The following ATP5IF1 variants were observed in gnomAD, a reference collection of about 807,000 sequenced individuals.
ATP5IF1 encodes ATP synthase inhibitory factor subunit 1.
ATP5IF1 carries 12 observed loss-of-function variants against 8.5 expected under a neutral mutation model. That is an observed-to-expected ratio of 1.41 (90% CI 0.90 to 2.28). ATP5IF1 has a LOEUF of 2.28. Among genes scored for constraint, ATP5IF1 ranks in the 30% most tolerant of loss-of-function variants. The pLI is 0.00. For missense variants in ATP5IF1, 154 were observed against 140.2 expected (o/e 1.10, Z -0.50); for synonymous variants, 51 against 53.4 (o/e 0.96, Z 0.19).
At position 28,237,681 on chromosome 1, in the gene ATP5IF1, G is replaced by T; in HGVS notation, c.180-156G>T. On this transcript the variant is annotated intron_variant, in intron 2 of 2. Coordinates refer to ENST00000335514, the MANE Select transcript of ATP5IF1 (RefSeq NM_016311.5). ...TGGCTACACCTCAATTTAAGATGGG[G>T]TATTCTTTCACTAGTTGAGGAGTAG... 6 of 1,582,204 alleles carry T rather than the reference G, an allele frequency of 3.8e-6. No homozygotes were observed. In the South Asian group the frequency reaches 4.6e-5, roughly 12 times the overall value.
At chr1:28,236,627 G>C (rs1647039212) in intron 2 of ATP5IF1, 175 bp downstream of exon 2, 1 of 1,517,602 alleles carries the variant, frequency 6.6e-7, no homozygotes, top group South Asian at 1.2e-5. Flanking sequence ...CCGTTGCCAC[G>C]TATAGGGCAC....
intron 2 of ATP5IF1, chr1:28,237,559 C>T (rs1647049455): frequency 2.2e-6 from 3 of 1,390,420 alleles, no homozygotes; most frequent in East Asian, 2.6e-5. Flanking sequence ...CTGGGTTGTT[C>T]CCCTCATAAG....
chr1:28,237,522 T>C (rs979801388), intron 2 of ATP5IF1: 12 of 1,366,490 alleles, frequency 8.8e-6, no homozygotes, highest in African/African-American at 1.5e-5. Context: ...TGTTCCTTTT[T>C]TTTTCCCTAA....
chr1:28,237,029 T>G, intron 2 of ATP5IF1: 1 of 1,017,102 alleles, frequency 9.8e-7, no homozygotes, highest in South Asian at 3.8e-5. Context: ...TTTGCCCTAC[T>G]CAGCCCAACC....
Position 28,236,138 on chromosome 1 carries a change from G to C in ATP5IF1, c.-46G>C. 1.2e-6 allele frequency: 2 copies of C among 1,604,598 alleles called. No individual in the cohort carries two copies. The highest frequency in any genetic ancestry group is 1.7e-6 in the Non-Finnish European group (2 of 1,178,718). On this transcript the variant is annotated 5_prime_UTR_variant, in exon 1 of 3. Coordinates refer to ENST00000335514, the MANE Select transcript of ATP5IF1 (RefSeq NM_016311.5). ...TCCCTGCCATTAGCGCGTAACGAGA[G>C]ACTGCTTGCTGCGGCAGAGACGCCA...
At chr1:28,237,560 C>T (rs1647049480) in intron 2 of ATP5IF1, 2 of 1,394,486 alleles carry the variant, frequency 1.4e-6, no homozygotes, top group Non-Finnish European at 9.3e-7. Context: ...TGGGTTGTTC[C>T]CCTCATAAGG....
chr1:28,236,950 C>T, intron 2 of ATP5IF1: 2 of 1,061,496 alleles, frequency 1.9e-6, no homozygotes, highest in South Asian at 2.9e-5. Flanking sequence ...CCCCCGACTC[C>T]GCAAGAGTGA....
At chr1:28,237,789 T>C (rs1008839767) in intron 2 of ATP5IF1, 48 bp from the exon 3 acceptor site, 3 of 1,614,042 alleles carry the variant, frequency 1.9e-6, no homozygotes, top group Middle Eastern at 1.6e-4. Flanking sequence ...TGAGATCTCT[T>C]TGGGGTGAAG....
intron 2 of ATP5IF1, chr1:28,237,409 A>G: frequency 9.1e-7 from 1 of 1,104,474 alleles, no homozygotes; most frequent in African/African-American, 1.7e-5. Context: ...TTGGCCTTAC[A>G]GTGGGCCATT....
rs369444246 is a variant in ATP5IF1, at chr1:28,236,169, G to A, written c.-15G>A. 495 of 1,611,808 alleles carry A rather than the reference G, an allele frequency of 3.1e-4. No individual in the cohort carries two copies. Among genetic ancestry groups the A allele is most frequent in the Non-Finnish European group, 3.6e-4 (424 of 1,179,916 alleles). ...TTGCTGCGGCAGAGACGCCAGAGGT[G>A]CAGCTCCAGCAGCAATGGCAGTGAC... On this transcript the variant is annotated 5_prime_UTR_variant, in exon 1 of 3. Transcript: ENST00000335514.
In ATP5IF1 at chr1:28,236,395, G is replaced by C; in HGVS notation, c.122G>C (p.Arg41Pro). 2 of 1,614,214 alleles carry C rather than the reference G, an allele frequency of 1.2e-6. No individual in the cohort carries two copies. The highest frequency in any genetic ancestry group is 1.7e-6 in the Non-Finnish European group (2 of 1,180,034). The change falls in exon 2 of 3, where the codon CGG (arginine) becomes CCG (proline). Residue 41 changes from arginine (R) to proline (P), a missense_variant. Coordinates refer to ENST00000335514, the MANE Select transcript of ATP5IF1 (RefSeq NM_016311.5). Reference protein sequence around the residue: ...ENVDRGAGSIREAGGAFGKRE... With the variant: ...ENVDRGAGSIPEAGGAFGKRE... ...GTCGACCGGGGCGCGGGCTCCATCC[G>C]GGAAGCCGGTGGGGCCTTCGGAAAG...
chr1:28,237,618 G>A, intron 2 of ATP5IF1: 1 of 1,468,736 alleles, frequency 6.8e-7, no homozygotes, highest in African/African-American at 1.4e-5. Flanking sequence ...ATTTTAAAGA[G>A]GAATCTGAAA....
chr1:28,237,361 T>C (rs1447630697), intron 2 of ATP5IF1: 5 of 1,020,500 alleles, frequency 4.9e-6, no homozygotes, highest in Non-Finnish European at 5.9e-6. Context: ...GGAACCTAAA[T>C]TGAACTGCCA....
intron 2 of ATP5IF1, chr1:28,237,263 A>G (rs150962012): frequency 0.018 from 18,282 of 996,534 alleles, 189 homozygotes; most frequent in Middle Eastern, 0.021. Context: ...GCCGTTAGAG[A>G]CTATCTAATT....
intron 2 of ATP5IF1, 81 bp from the exon 3 acceptor site, chr1:28,237,756 C>T (rs1483628260): frequency 1.2e-6 from 2 of 1,613,996 alleles, no homozygotes; most frequent in Admixed American, 1.7e-5. Flanking sequence ...CTATTCCTTG[C>T]TTAGACATTA....
At chr1:28,236,313 TC>T (rs762263946) in intron 1 of ATP5IF1, 43 bp downstream of exon 1, 1 of 1,614,180 alleles carries the variant, frequency 6.2e-7, no homozygotes, top group Non-Finnish European at 8.5e-7. Flanking sequence ...CGCGGGCGGA[TC>T]CCATCTTTGC....
rs1438709709 is a variant in ATP5IF1 at position 28,236,152 on chromosome 1, G to GCAGAGACGCCAGAGGTGCAGCTC, written c.-28_-6dup. Reference sequence around the variant, plus strand: ...GCGTAACGAGAGACTGCTTGCTGCGGCAGAGACGCCAGAGGTGCAGCTCCA... The same window carrying GCAGAGACGCCAGAGGTGCAGCTC: ...GCGTAACGAGAGACTGCTTGCTGCGGCAGAGACGCCAGAGGTGCAGCTCCAGAGACGCCAGAGGTGCAGCTCCA... On this transcript the variant is annotated 5_prime_UTR_variant, in exon 1 of 3. Coordinates refer to ENST00000335514, the MANE Select transcript of ATP5IF1 (RefSeq NM_016311.5). The GCAGAGACGCCAGAGGTGCAGCTC allele has an allele frequency of 1.2e-6, 2 of 1,608,498 alleles. No individual in the cohort carries two copies. Among genetic ancestry groups the GCAGAGACGCCAGAGGTGCAGCTC allele is most frequent in the Non-Finnish European group, 1.7e-6 (2 of 1,179,634 alleles).
At position 28,237,967 on chromosome 1, in the gene ATP5IF1, CATG is replaced by C. The variant is rs753551798; in HGVS notation, c.316_318del (p.Asp106del). On this transcript the variant is annotated inframe_deletion, in exon 3 of 3. Transcript: ENST00000335514. ...TAAGCAGAAGATCAAAATGCTAAAA[CATG>C]ATGATTAAGTGCACACCGTGTGCCA... The C allele has an allele frequency of 5.0e-6, 8 of 1,610,930 alleles. No homozygotes were observed. The Admixed American group carries it at 6.7e-5, about 13-fold the overall frequency.
intron 2 of ATP5IF1, chr1:28,236,944 C>T (rs2149028682): frequency 9.4e-7 from 1 of 1,065,010 alleles, no homozygotes; most frequent in Non-Finnish European, 1.1e-6. Flanking sequence ...TCTAGACCCC[C>T]GACTCCGCAA....
Sources: gnomAD v4.1 joint callset for allele counts on GRCh38, gnomAD v4.1.1 for gene constraint, MANE v1.5 for transcripts, NCBI Gene and HGNC (gene_info 2026-07-23, HGNC 2026-07-21) for gene names.